The following MSI2 variants were observed in gnomAD, a reference collection of about 807,000 sequenced individuals.
MSI2 encodes the protein musashi RNA binding protein 2.
A neutral mutation model predicts 45.6 loss-of-function variants in MSI2; 17 were observed. That is an observed-to-expected ratio of 0.37 (90% confidence interval 0.26 to 0.56). MSI2 has a LOEUF of 0.56. Among genes scored for constraint, MSI2 ranks in the 20% least tolerant of loss-of-function variants. MSI2 has a pLI of 0.77. For synonymous variants in MSI2, 156 were observed against 158.2 expected (o/e 0.99, Z 0.11); for missense variants, 293 against 444.2 (o/e 0.66, Z 3.06).
intron 13 of MSI2, among the ~76,000 whole-genome samples, chr17:57,678,474 T>A (rs1188669429): frequency 2.0e-5 from 3 of 152,168 alleles, no homozygotes; most frequent in Non-Finnish European, 4.4e-5. Context: ...CTCTGGAGAC[T>A]GAAGATGGCT....
chr17:57,538,021 C>A (rs981882494), intron 7 of MSI2, among the ~76,000 whole-genome samples: 1 of 152,168 alleles, frequency 6.6e-6, no homozygotes, highest in South Asian at 2.1e-4. Context: ...AGCAACTTCA[C>A]TGACCCAGAA....
intron 6 of MSI2, among the ~76,000 whole-genome samples, chr17:57,441,091 C>T (rs936417948): frequency 1.9e-4 from 29 of 152,126 alleles, no homozygotes; most frequent in African/African-American, 2.7e-4. Context: ...GAGGCAGTGA[C>T]GCTGGTAACC....
At chr17:57,537,773 GCCCTCAA>G (rs2086952656) in intron 7 of MSI2, among the ~76,000 whole-genome samples, 2 of 152,214 alleles carry the variant, frequency 1.3e-5, no homozygotes, top group Admixed American at 1.3e-4. Flanking sequence ...GTAATACAAA[GCCCTCAA>G]CTTCCTAGCA....
intron 6 of MSI2, among the ~76,000 whole-genome samples, chr17:57,424,007 CA>C (rs1459136272): frequency 6.6e-6 from 1 of 152,194 alleles, no homozygotes; most frequent in Non-Finnish European, 1.5e-5. Context: ...GTTCATGCTG[CA>C]GCATTCAATT....
At chr17:57,427,003 A>G (rs1312129143) in intron 6 of MSI2, among the ~76,000 whole-genome samples, 1 of 152,264 alleles carries the variant, frequency 6.6e-6, no homozygotes. Context: ...CTTCTTCACC[A>G]GGCTGAAGCC....
rs139090492 is a variant in MSI2, at chr17:57,670,833, G to A, written c.791-4139G>A. On this transcript the variant is annotated intron_variant, in intron 11 of 13. Transcript: ENST00000284073. ...TACATAACTATTTCAGAAATAGGGT[G>A]TATTTGTTTTAAACTTGACAAGTTA... Among the ~76,000 whole-genome samples the A allele has an allele frequency of 9.9e-3, 1,514 of 152,316 alleles. 7 individuals are homozygous for A. Among genetic ancestry groups the A allele is most frequent in the Middle Eastern group, 0.024 (7 of 294 alleles).
chr17:57,257,002 C>T (rs971912854), intron 1 of MSI2, 96 bp from the exon 2 acceptor site: 2 of 1,587,628 alleles, frequency 1.3e-6, no homozygotes, highest in East Asian at 4.7e-5. Context: ...CTCGCTCGCT[C>T]GCTCCCCCCC....
intron 10 of MSI2, among the ~76,000 whole-genome samples, chr17:57,634,501 G>T (rs1229021183): frequency 1.3e-5 from 2 of 152,054 alleles, no homozygotes; most frequent in Non-Finnish European, 2.9e-5. Context: ...TCTCTATGCT[G>T]TAAGGGTGCA....
At chr17:57,701,502 A>T in the MSI2 span, among the ~76,000 whole-genome samples, 2 of 152,176 alleles carry the variant, frequency 1.3e-5, no homozygotes, top group Non-Finnish European at 2.9e-5. Flanking sequence ...TGCTCACCGG[A>T]CACTGAAGCC....
intron 5 of MSI2, among the ~76,000 whole-genome samples, chr17:57,398,223 C>T (rs1318563403): frequency 6.6e-6 from 1 of 152,188 alleles, no homozygotes; most frequent in Non-Finnish European, 1.5e-5. Context: ...TCTGGGACCA[C>T]ATGAACGTTT....
Position 57,407,274 on chromosome 17 carries a change from C to T in MSI2, c.405+5803C>T, listed in dbSNP as rs144677438. Among the ~76,000 whole-genome samples, 1,011 of 152,148 alleles carry T rather than the reference C, an allele frequency of 6.6e-3. 4 individuals are homozygous for T. The highest frequency in any genetic ancestry group is 0.014 in the Middle Eastern group (4 of 294). ...CTGGGTGCCTGCGATCTCCCAGCTC[C>T]GGGGTTTTCTGTGCAGGTGCGAAGC... On this transcript the variant is annotated intron_variant, in intron 6 of 13. Transcript: ENST00000284073. This position sits in a 1 kb window ranked among gnomAD's most constrained non-coding sequence, Gnocchi z 4.1.
chr17:57,530,245 T>C (rs1275298427), intron 7 of MSI2, among the ~76,000 whole-genome samples: 2 of 152,200 alleles, frequency 1.3e-5, no homozygotes, highest in African/African-American at 4.8e-5. Context: ...AATTGTGTTT[T>C]TCCCTGTGCT....
Position 57,528,997 on chromosome 17 carries a change from C to T in MSI2, c.406-679C>T, listed in dbSNP as rs543116520. Among the ~76,000 whole-genome samples the T allele has an allele frequency of 4.6e-5, 7 of 152,192 alleles. No homozygotes were observed. The East Asian group carries it at 7.7e-4, about 17-fold the overall frequency. On this transcript the variant is annotated intron_variant, in intron 6 of 13. Transcript: ENST00000284073. ...GCTTCTTACACTGGGAAATATGCAT[C>T]GGTCAAGATAGTAGTATACATGATA...
chr17:57,290,047 A>G (rs1375094890), intron 5 of MSI2, among the ~76,000 whole-genome samples: 1 of 152,148 alleles, frequency 6.6e-6, no homozygotes, highest in Non-Finnish European at 1.5e-5. Flanking sequence ...GGCCTTGGAG[A>G]GGCAGTATAG....
In MSI2 at chr17:57,401,539, C is replaced by T. The variant is rs972449591; in HGVS notation, c.405+68C>T. ...CTCATCAGTCCTAAGAAGAGGCTAC[C>T]GTGGCCCCCGCCCCTGCTACAGCTG... On this transcript the variant is annotated intron_variant, in intron 6 of 13. Transcript: ENST00000284073. 2.4e-5 allele frequency: 29 copies of T among 1,224,144 alleles called. No homozygotes were observed. In the South Asian group the frequency reaches 2.9e-4, roughly 12 times the overall value. 75.8% of individuals were successfully genotyped at this position (1,224,144 alleles called of 1,614,324 possible).
chr17:57,591,948 G>A (rs938191924), intron 7 of MSI2, among the ~76,000 whole-genome samples: 11 of 151,920 alleles, frequency 7.2e-5, no homozygotes, highest in African/African-American at 2.4e-4. Flanking sequence ...TGAGGCAGGC[G>A]GATCACCTGA....
At chr17:57,412,169 C>T (rs979102680) in intron 6 of MSI2, among the ~76,000 whole-genome samples, 2 of 151,776 alleles carry the variant, frequency 1.3e-5, no homozygotes, top group Admixed American at 1.3e-4. Flanking sequence ...TCCTAAGTAG[C>T]TGGGTTTACA....
chr17:57,661,685 C>T (rs527311441), intron 11 of MSI2, among the ~76,000 whole-genome samples: 5 of 152,296 alleles, frequency 3.3e-5, no homozygotes, highest in Admixed American at 3.3e-4. Flanking sequence ...GTTCCCTTAA[C>T]TTTCCTTTGC....
intron 7 of MSI2, among the ~76,000 whole-genome samples, chr17:57,562,295 T>C (rs941337454): frequency 9.9e-5 from 15 of 152,218 alleles, no homozygotes; most frequent in African/African-American, 2.9e-4. Context: ...AAGAAGCTTA[T>C]GTGTCTAGAG....
Sources: gnomAD v4.1 joint callset for allele counts (sites outside exome capture counted in the v4.1 genomes callset) on GRCh38, gnomAD v4.1.1 for gene constraint, Gnocchi (gnomAD v3.1) non-coding constraint, MANE v1.5 for transcripts, NCBI Gene and HGNC (gene_info 2026-07-23, HGNC 2026-07-21) for gene names.